RDH16: variants seen among roughly 807,000 people sequenced by gnomAD.
The protein encoded by RDH16 is human epidermal retinol dehydrogenase.
In RDH16, 25 loss-of-function variants were observed where a neutral mutation model predicts 22.3. The observed-to-expected ratio is 1.12, with a 90% CI of 0.82 to 1.56. The LOEUF (loss-of-function observed/expected upper bound fraction) is 1.56. RDH16 is among the 40% of genes most tolerant of loss of function. The pLI, the probability that RDH16 is intolerant of heterozygous loss-of-function variation, is 0.00. For missense variants in RDH16, 413 were observed against 394.9 expected (o/e 1.05, Z -0.39); for synonymous variants, 154 against 164.4 (o/e 0.94, Z 0.48).
chr12:56,957,525 A>G lies in RDH16; in HGVS notation c.-63T>C. The G allele has an allele frequency of 6.6e-7, 1 of 1,525,978 alleles. No homozygotes were observed. The highest frequency in any genetic ancestry group is 8.9e-7 in the Non-Finnish European group (1 of 1,128,002). The allele number at this position is 1,525,978 out of a possible 1,614,324, so 94.5% of individuals were successfully genotyped here. ...AAACCAGAGTCTGGCCTCTGTTCAG[A>G]CAGGAGGATTTAAGAACACAGAGGG... On this transcript the variant is annotated 5_prime_UTR_variant, in exon 1 of 4. Coordinates refer to ENST00000398138, the MANE Select transcript of RDH16 (RefSeq NM_003708.5).
At position 56,953,172 on chromosome 12, in the gene RDH16, G is replaced by C. The variant is rs534958454; in HGVS notation, c.573-182C>G. Among the ~76,000 whole-genome samples the C allele has an allele frequency of 1.1e-4, 16 of 152,270 alleles. 1 individual carries two copies. The highest frequency in any genetic ancestry group is 5.2e-4 in the Admixed American group (8 of 15,300). ...ATCATGGTGGCATTCCCTCTGTATG[G>C]AGTTTCCATATTTTACACACCTGAG... On this transcript the variant is annotated intron_variant, in intron 2 of 3. Coordinates refer to ENST00000398138, the MANE Select transcript of RDH16 (RefSeq NM_003708.5).
rs201114307 is a variant in RDH16, at chr12:56,957,297, C to T, written c.166G>A (p.Val56Met). 173 of 1,614,206 alleles carry T rather than the reference C, an allele frequency of 1.1e-4. 3 individuals are homozygous for T. The highest frequency in any genetic ancestry group is 3.7e-4 in the Admixed American group (22 of 60,032). ...ARQLDARGLR[V>M]LAACLTEKGA... ...TTCTCCGTCAGACATGCAGCCAGCA[C>T]CCGCAAGCCTCGTGCATCCAGCTGT... The change falls in exon 1 of 4, where the codon GTG (valine) becomes ATG (methionine). Residue 56 changes from valine to methionine, a missense_variant. Transcript: ENST00000398138.
Position 56,957,370 on chromosome 12 carries a change from A to T in RDH16, c.93T>A (p.Tyr31Ter). The change falls in exon 1 of 4, where the codon TAT (tyrosine) becomes TAA (stop). Residue 31 changes from tyrosine (Y) to a stop codon, truncating the protein, a stop_gained. Transcript: ENST00000398138. LOFTEE classifies it high-confidence loss of function. ...RQVLSHLRDK[Y>*]VFITGCDSGF... The stretch of plus-strand genomic sequence containing the variant: ...CAGAGTCACAGCCCGTGATGAACAC[A>T]TACTTATCTCTCAGGTGGCTCAGCA... The T allele has an allele frequency of 6.2e-7, 1 of 1,614,154 alleles. No individual in the cohort carries two copies. The highest frequency in any genetic ancestry group is 8.5e-7 in the Non-Finnish European group (1 of 1,180,020).
At chr12:56,952,313 T>TA in intron 3 of RDH16, 67 bp from the exon 4 acceptor site, 1 of 1,474,222 alleles carries the variant, frequency 6.8e-7, no homozygotes, top group South Asian at 1.2e-5. Context: ...GGATTCAACT[T>TA]AGAGTGGAAA....
At position 56,952,993 on chromosome 12, in the gene RDH16, G is replaced by A. The variant is rs774348105; in HGVS notation, c.573-3C>T. 1 of 1,604,804 alleles carries A rather than the reference G, an allele frequency of 6.2e-7. No individual in the cohort carries two copies. ...CCCCAAAGTAGGAGAGTTCCCTCCT[G>A]CAAGACAGAGAAGCAGAGGGGAAAA... On this transcript the variant is annotated splice_region_variant and splice_polypyrimidine_tract_variant and intron_variant, in intron 2 of 3. Transcript: ENST00000398138.
At position 56,955,112 on chromosome 12, in the gene RDH16, A is replaced by T; in HGVS notation, c.366T>A (p.Asn122Lys). 1 of 1,614,104 alleles carries T rather than the reference A, an allele frequency of 6.2e-7. No individual in the cohort carries two copies. The highest frequency in any genetic ancestry group is 8.5e-7 in the Non-Finnish European group (1 of 1,180,036). ...NAGISLPTAP[N>K]ELLTKQDFVT... ...CGAAGTCCTGCTTGGTGAGCAACTC[A>T]TTGGGAGCCGTGGGCAAGGAGATGC... Residue 122 changes from asparagine to lysine, a missense_variant, in exon 2 of 4, where the codon AAT becomes AAA. Physicochemically the swap from Asn to Lys is moderately conservative, Grantham distance 94. Coordinates refer to ENST00000398138, the MANE Select transcript of RDH16 (RefSeq NM_003708.5).
At chr12:56,953,883 C>T (rs1187341817) in intron 2 of RDH16, among the ~76,000 whole-genome samples, 1 of 152,222 alleles carries the variant, frequency 6.6e-6, no homozygotes, top group Non-Finnish European at 1.5e-5. Flanking sequence ...GATTCTATAT[C>T]TCTTGTCCCT....
rs912234826 is a variant in RDH16 at position 56,951,929 on chromosome 12, G to T, written c.*100C>A. 6 of 949,314 alleles carry T rather than the reference G, an allele frequency of 6.3e-6. No homozygotes were observed. The highest frequency in any genetic ancestry group is 9.8e-6 in the Non-Finnish European group (6 of 610,942). The allele number at this position is 949,314 out of a possible 1,614,324, so 58.8% of individuals were successfully genotyped here. A position where few individuals can be genotyped will look rare whatever the true frequency, so the allele number is the denominator to read the frequency against. On this transcript the variant is annotated 3_prime_UTR_variant, in exon 4 of 4. Coordinates refer to ENST00000398138, the MANE Select transcript of RDH16 (RefSeq NM_003708.5). ...AAGGAGGTGGGATTGGTGCCCTACT[G>T]ACCGGACGGCTCCCTCCCTCCACTT... is the stretch of plus-strand genomic sequence containing the variant.
intron 2 of RDH16, 33 bp from the exon 3 acceptor site, chr12:56,953,023 C>T (rs765599207): frequency 1.5e-5 from 23 of 1,574,522 alleles, no homozygotes; most frequent in Admixed American, 1.9e-5. Flanking sequence ...GGAAAAACTT[C>T]GGGGGTCTTG....
Position 56,951,922 on chromosome 12 carries a change from C to T in RDH16, c.*107G>A, listed in dbSNP as rs796216581. 9.7e-6 allele frequency: 8 copies of T among 828,424 alleles called. No homozygotes were observed. The highest frequency in any genetic ancestry group is 1.7e-5 in the African/African-American group (1 of 59,570). The allele number at this position is 828,424 out of a possible 1,614,324, so 51.3% of individuals were successfully genotyped here. A position where few individuals can be genotyped will look rare whatever the true frequency, so the allele number is the denominator to read the frequency against. On this transcript the variant is annotated 3_prime_UTR_variant, in exon 4 of 4. Transcript: ENST00000398138. ...GGTAATGAAGGAGGTGGGATTGGTG[C>T]CCTACTGACCGGACGGCTCCCTCCC...
At chr12:56,957,045 T>G (rs1342480083) in intron 1 of RDH16, 105 bp downstream of exon 1, 2 of 1,183,978 alleles carry the variant, frequency 1.7e-6, no homozygotes, top group African/African-American at 3.1e-5. Context: ...TACTGTTACT[T>G]CAACCTGGAA....
rs1026444932 is a variant in RDH16, at chr12:56,951,878, A to G, written c.*151T>C. On this transcript the variant is annotated 3_prime_UTR_variant, in exon 4 of 4. Coordinates refer to ENST00000398138, the MANE Select transcript of RDH16 (RefSeq NM_003708.5). ...TCTCCAGAGAGCAGAATTATCTCCCAGGAGAATCATGGCCAGGAGGTAATG... is the reference window on the plus strand; with the variant it reads ...TCTCCAGAGAGCAGAATTATCTCCCGGGAGAATCATGGCCAGGAGGTAATG... 7 of 640,300 alleles carry G rather than the reference A, an allele frequency of 1.1e-5. No homozygotes were observed. The highest frequency in any genetic ancestry group is 1.9e-5 in the Non-Finnish European group (7 of 364,136). The allele number at this position is 640,300 out of a possible 1,614,324, so 39.7% of individuals were successfully genotyped here. A position where few individuals can be genotyped will look rare whatever the true frequency, so the allele number is the denominator to read the frequency against.
chr12:56,953,370 G>T (rs1034899931), intron 2 of RDH16, among the ~76,000 whole-genome samples: 18 of 152,226 alleles, frequency 1.2e-4, no homozygotes, highest in Non-Finnish European at 2.4e-4. Context: ...CCTCTGAGCT[G>T]GGTGATGGCA....
intron 1 of RDH16, among the ~76,000 whole-genome samples, chr12:56,955,832 C>G (rs2136381239): frequency 6.6e-6 from 1 of 152,280 alleles, no homozygotes; most frequent in East Asian, 1.9e-4. Context: ...ACTCAGTACA[C>G]AGACTCCACC....
intron 2 of RDH16, 33 bp from the exon 3 acceptor site, chr12:56,953,023 C>CG (rs749833738): frequency 3.8e-6 from 6 of 1,574,638 alleles, no homozygotes; most frequent in Middle Eastern, 1.7e-4. Context: ...GGAAAAACTT[C>CG]GGGGGTCTTG....
At position 56,957,415 on chromosome 12, in the gene RDH16, G is replaced by A; in HGVS notation, c.48C>T (p.His16=). The change falls in exon 1 of 4, where the codon CAC becomes CAT. Residue 16 remains histidine (H), a synonymous_variant. Transcript: ENST00000398138. Reference sequence around the variant, plus strand: ...TCAGCACCTGCCTCTCCCGGTACCAGTGCAGAAGGTAGTACAGGCCCACGA... The same window carrying A: ...TCAGCACCTGCCTCTCCCGGTACCAATGCAGAAGGTAGTACAGGCCCACGA... ...AVFVGLYYLL[H]WYRERQVLSH... The A allele has an allele frequency of 6.2e-7, 1 of 1,614,166 alleles. No homozygotes were observed. The highest frequency in any genetic ancestry group is 1.3e-5 in the African/African-American group (1 of 75,046).
Position 56,951,726 on chromosome 12 carries a change from A to C in RDH16, c.*303T>G. On this transcript the variant is annotated 3_prime_UTR_variant, in exon 4 of 4. Coordinates refer to ENST00000398138, the MANE Select transcript of RDH16 (RefSeq NM_003708.5). ...CCTTCCACCTGCTCACACCCACCCCAGTTGTTAGCCCAAGGATGGCCCTAG... is the reference window on the plus strand; with the variant it reads ...CCTTCCACCTGCTCACACCCACCCCCGTTGTTAGCCCAAGGATGGCCCTAG... The C allele has an allele frequency of 2.4e-6, 1 of 409,522 alleles. No individual in the cohort carries two copies. Among genetic ancestry groups the C allele is most frequent in the South Asian group, 3.1e-5 (1 of 32,658 alleles). 25.4% of individuals were successfully genotyped at this position (409,522 alleles called of 1,614,324 possible).
rs1276976948 is a variant in RDH16, at chr12:56,952,947, G to A, written c.616C>T (p.Pro206Ser). 6.2e-7 allele frequency: 1 copy of A among 1,613,906 alleles called. No homozygotes were observed. Among genetic ancestry groups the A allele is most frequent in the Non-Finnish European group, 8.5e-7 (1 of 1,179,930 alleles). ...YFGVKVAMIE[P>S]GYFKTAVTSK... ...GTCACAGCAGTCTTGAAATAGCCAG[G>A]TTCAATCATAGCCACCTTCACCCCA... Residue 206 changes from proline (P) to serine (S), a missense_variant, in exon 3 of 4, where the codon CCT (proline) becomes TCT (serine). By Grantham distance (74) the Pro-to-Ser change is moderately conservative (BLOSUM62 -1). Transcript: ENST00000398138.
intron 3 of RDH16, among the ~76,000 whole-genome samples, chr12:56,952,447 G>A (rs1826562859): frequency 6.6e-6 from 1 of 152,148 alleles, no homozygotes; most frequent in Non-Finnish European, 1.5e-5. Flanking sequence ...ACTAAGTCAT[G>A]TCTGTCTCTC....
Sources: gnomAD v4.1 joint callset for allele counts (sites outside exome capture counted in the v4.1 genomes callset) on GRCh38, gnomAD v4.1.1 for gene constraint, MANE v1.5 for transcripts, NCBI Gene and HGNC (gene_info 2026-07-23, HGNC 2026-07-21) for gene names.